MRPL42: variants seen among roughly 807,000 people sequenced by gnomAD.
MRPL42 encodes the protein large ribosomal subunit protein mL42.
In MRPL42, 17 loss-of-function variants were observed where a neutral mutation model predicts 17.9. The observed-to-expected ratio is 0.95, with a 90% CI of 0.65 to 1.42. MRPL42 has a LOEUF of 1.42. Ranked by LOEUF, MRPL42 falls within the 40% of genes most tolerant of loss-of-function variation. The probability of loss-of-function intolerance (pLI) is 0.00; values close to 1 mark genes in which losing one functional copy is unlikely to be tolerated. For missense variants in MRPL42, 177 were observed against 175.2 expected (o/e 1.01, Z -0.06); for synonymous variants, 59 against 54.4 (o/e 1.08, Z -0.37).
Position 93,507,259 on chromosome 12 carries a change from C to G in MRPL42, c.*6038C>G, listed in dbSNP as rs1953681549. The G allele has an allele frequency of 6.6e-6, 1 of 152,306 alleles. No homozygotes were observed. The highest frequency in any genetic ancestry group is 1.5e-5 in the Non-Finnish European group (1 of 68,034). 9.4% of individuals were successfully genotyped at this position (152,306 alleles called of 1,614,324 possible). A position where few individuals can be genotyped will look rare whatever the true frequency, so the allele number is the denominator to read the frequency against. On this transcript the variant is annotated 3_prime_UTR_variant, in exon 6 of 6. Transcript: ENST00000549982. Reference sequence around the variant, plus strand: ...GAAATCATATATTTACTACTAAAACCATTAGATTGTTTCCTTGTTCCAGTT... The same window carrying G: ...GAAATCATATATTTACTACTAAAACGATTAGATTGTTTCCTTGTTCCAGTT...
rs931480738 is a variant in MRPL42, at chr12:93,488,259, C to T, written c.383+599C>T. On this transcript the variant is annotated intron_variant, in intron 5 of 5. Transcript: ENST00000549982. ...TGCTGGGATTACAGGCGTGAGCCACCGAGCCTGGCTCTTTTTTCTTCTTTT... is the reference window on the plus strand; with the variant it reads ...TGCTGGGATTACAGGCGTGAGCCACTGAGCCTGGCTCTTTTTTCTTCTTTT... 7.5e-5 allele frequency: 30 copies of T among 397,488 alleles called. 1 individual carries two copies. The Admixed American group carries it at 9.3e-4, about 12-fold the overall frequency. 24.6% of individuals were successfully genotyped at this position (397,488 alleles called of 1,614,324 possible).
rs375091354 is a variant in MRPL42 at position 93,509,452 on chromosome 12, C to CT, written c.*8241dup. ...GAAATATCTGTTCAAATCATTTGCTCTTTTTTTTTTCTTAGCACTTAAAAA... is the reference window on the plus strand; with the variant it reads ...GAAATATCTGTTCAAATCATTTGCTCTTTTTTTTTTTCTTAGCACTTAAAAA... On this transcript the variant is annotated 3_prime_UTR_variant, in exon 6 of 6. Transcript: ENST00000549982. 25 of 149,912 alleles carry CT rather than the reference C, an allele frequency of 1.7e-4. No individual in the cohort carries two copies. The highest frequency in any genetic ancestry group is 2.2e-4 in the Non-Finnish European group (15 of 67,394). The allele number at this position is 149,912 out of a possible 1,614,324, so 9.3% of individuals were successfully genotyped here. A position where few individuals can be genotyped will look rare whatever the true frequency, so the allele number is the denominator to read the frequency against.
intron 4 of MRPL42, among the ~76,000 whole-genome samples, chr12:93,484,973 C>CATATATATACATATATATATATAT (rs1565813713): frequency 3.8e-4 from 9 of 23,962 alleles, no homozygotes; most frequent in Non-Finnish European, 7.8e-4. Flanking sequence ...CACACACACA[C>CATATATATACATATATATATATAT]ACACACATAT....
At chr12:93,476,878 TA>T in intron 2 of MRPL42, 75 bp from the exon 3 acceptor site, 3 of 1,378,524 alleles carry the variant, frequency 2.2e-6, no homozygotes, top group South Asian at 2.4e-5. Context: ...GTTGAATGAG[TA>T]AAACTAGCTT....
chr12:93,497,653 C>T (rs1953528951), intron 5 of MRPL42, among the ~76,000 whole-genome samples: 1 of 151,824 alleles, frequency 6.6e-6, no homozygotes, highest in South Asian at 2.1e-4. Context: ...AGATCATTTC[C>T]TTTAAGAACA....
At chr12:93,471,288 C>T (rs541878512) in intron 2 of MRPL42, among the ~76,000 whole-genome samples, 27 of 152,090 alleles carry the variant, frequency 1.8e-4, no homozygotes, top group Middle Eastern at 3.4e-3. Context: ...CTCAGCCTCC[C>T]GAGTAGCTGG....
intron 5 of MRPL42, among the ~76,000 whole-genome samples, chr12:93,497,936 G>C (rs1953536511): frequency 7.1e-6 from 1 of 140,974 alleles, no homozygotes; most frequent in Non-Finnish European, 1.5e-5. Context: ...TCTTTTCCTT[G>C]TTCATGTATT....
At chr12:93,484,975 C>CATATATATACATATATATATAT (rs1565813718) in intron 4 of MRPL42, among the ~76,000 whole-genome samples, 14 of 23,182 alleles carry the variant, frequency 6.0e-4, no homozygotes, top group African/African-American at 1.4e-3. Context: ...CACACACACA[C>CATATATATACATATATATATAT]ACACATATAT....
chr12:93,491,357 A>G (rs1251470995), intron 5 of MRPL42, among the ~76,000 whole-genome samples: 2 of 152,176 alleles, frequency 1.3e-5, no homozygotes, highest in African/African-American at 2.4e-5. Flanking sequence ...ACATCTTTTC[A>G]TGTGCTTATT....
chr12:93,482,615 A>G (rs576916433), intron 4 of MRPL42, among the ~76,000 whole-genome samples: 4 of 152,306 alleles, frequency 2.6e-5, no homozygotes, highest in African/African-American at 9.6e-5. Flanking sequence ...TAAATTGTAG[A>G]TTGGGCTGCA....
In MRPL42 at chr12:93,504,189, G is replaced by A. The variant is rs1318855198; in HGVS notation, c.*2968G>A. On this transcript the variant is annotated 3_prime_UTR_variant, in exon 6 of 6. Transcript: ENST00000549982. ...GATGGAGGTTTGCTCTGCCCAAGCT[G>A]GAATGCAATGGCGCGATCTTGGCTC... is the stretch of plus-strand genomic sequence containing the variant. The A allele has an allele frequency of 6.5e-6, 1 of 154,170 alleles. No individual in the cohort carries two copies. Among genetic ancestry groups the A allele is most frequent in the East Asian group, 1.9e-4 (1 of 5,190 alleles). 9.6% of individuals were successfully genotyped at this position (154,170 alleles called of 1,614,324 possible).
chr12:93,481,838 A>C (rs973767052), intron 4 of MRPL42, among the ~76,000 whole-genome samples: 3 of 152,160 alleles, frequency 2.0e-5, no homozygotes, highest in African/African-American at 7.2e-5. Context: ...TTTGTAACCT[A>C]CATCGATTGA....
Position 93,502,868 on chromosome 12 carries a change from A to C in MRPL42, c.*1647A>C, listed in dbSNP as rs1327637654. The C allele has an allele frequency of 6.6e-6, 1 of 152,232 alleles. No individual in the cohort carries two copies. Among genetic ancestry groups the C allele is most frequent in the Non-Finnish European group, 1.5e-5 (1 of 68,050 alleles). 9.4% of individuals were successfully genotyped at this position (152,232 alleles called of 1,614,324 possible). A position where few individuals can be genotyped will look rare whatever the true frequency, so the allele number is the denominator to read the frequency against. On this transcript the variant is annotated 3_prime_UTR_variant, in exon 6 of 6. Coordinates refer to ENST00000549982, the MANE Select transcript of MRPL42 (RefSeq NM_014050.4). ...GCCCACATCCACATACTTATGTGTCAGTGCTTTGGAGAATTAACTTTGACT... is the reference window on the plus strand; with the variant it reads ...GCCCACATCCACATACTTATGTGTCCGTGCTTTGGAGAATTAACTTTGACT...
intron 5 of MRPL42, among the ~76,000 whole-genome samples, chr12:93,499,618 C>T (rs2886024): frequency 0.67 from 101,926 of 151,892 alleles, 34,428 homozygotes; most frequent in Middle Eastern, 0.72. Context: ...TAGAAAAAAA[C>T]AGAATTTTCT....
Position 93,505,209 on chromosome 12 carries a change from G to GC in MRPL42, c.*3989dup, listed in dbSNP as rs1953655986. ...TGAAATGATAGTGATATGCAAGATA[G>GC]CACGTGTGGTTTCCACATATTCTAA... On this transcript the variant is annotated 3_prime_UTR_variant, in exon 6 of 6. Coordinates refer to ENST00000549982, the MANE Select transcript of MRPL42 (RefSeq NM_014050.4). 6.6e-6 allele frequency: 1 copy of GC among 152,126 alleles called. No homozygotes were observed. The highest frequency in any genetic ancestry group is 2.4e-5 in the African/African-American group (1 of 41,428). The allele number at this position is 152,126 out of a possible 1,614,324, so 9.4% of individuals were successfully genotyped here.
rs1397399117 is a variant in MRPL42, at chr12:93,487,559, C to G, written c.282C>G (p.Thr94=). 1.2e-5 allele frequency: 19 copies of G among 1,613,610 alleles called. No homozygotes were observed. Among genetic ancestry groups the G allele is most frequent in the African/African-American group, 2.7e-5 (2 of 74,898 alleles). The stretch of plus-strand genomic sequence containing the variant: ...AAACACATGATCAAGTGCTGAAAAC[C>G]AGATTGGAAGAAAAAGTTGAACACC... The part of the protein sequence containing the change: ...NEETHDQVLK[T]RLEEKVEHLE... The change falls in exon 5 of 6, where the codon ACC becomes ACG. Residue 94 remains threonine (T), a synonymous_variant. Transcript: ENST00000549982.
rs374411153 is a variant in MRPL42 at position 93,470,407 on chromosome 12, T to A, written c.70+1052T>A. On this transcript the variant is annotated intron_variant, in intron 2 of 5. Coordinates refer to ENST00000549982, the MANE Select transcript of MRPL42 (RefSeq NM_014050.4). ...AAGCTTTCCATTTCTAAAGTAGACA[T>A]GTATAGAAGGCAACAGTAGGTTTGC... is the stretch of plus-strand genomic sequence containing the variant. 575 of 1,156,668 alleles carry A rather than the reference T, an allele frequency of 5.0e-4. 1 individual carries two copies. The highest frequency in any genetic ancestry group is 5.6e-4 in the Non-Finnish European group (509 of 905,448). The allele number at this position is 1,156,668 out of a possible 1,614,324, so 71.7% of individuals were successfully genotyped here.
intron 2 of MRPL42, among the ~76,000 whole-genome samples, chr12:93,474,111 G>A (rs1054226540): frequency 1.1e-4 from 17 of 151,862 alleles, no homozygotes; most frequent in African/African-American, 3.6e-4. Context: ...TAAACACAGA[G>A]TAGAAATTTT....
chr12:93,497,467 TAAAAAC>T (rs918282860), intron 5 of MRPL42, among the ~76,000 whole-genome samples: 7 of 151,830 alleles, frequency 4.6e-5, no homozygotes, highest in Admixed American at 2.6e-4. Context: ...TAAACAGAAT[TAAAAAC>T]AAAAAACATA....
Sources: gnomAD v4.1 joint callset for allele counts (sites outside exome capture counted in the v4.1 genomes callset) on GRCh38, gnomAD v4.1.1 for gene constraint, MANE v1.5 for transcripts, NCBI Gene and HGNC (gene_info 2026-07-23, HGNC 2026-07-21) for gene names.